ABCC4: variants seen among roughly 807,000 people sequenced by gnomAD.
The protein encoded by ABCC4 is ATP-binding cassette sub-family C member 4.
Under a neutral mutation model 168.5 loss-of-function variants are expected in ABCC4, and 102 were observed. The observed-to-expected ratio is 0.61, with a 90% confidence interval of 0.52 to 0.71. ABCC4 has a LOEUF of 0.71. ABCC4 is among the 30% of genes least tolerant of loss of function. The pLI, the probability that ABCC4 is intolerant of heterozygous loss-of-function variation, is 0.00. For synonymous variants in ABCC4, 617 were observed against 590.7 expected, an observed-to-expected ratio of 1.04 and a Z score of -0.65; for missense variants, 1,402 against 1,605.8, an observed-to-expected ratio of 0.87 and a Z score of 2.17.
intron 29 of ABCC4, among the ~76,000 whole-genome samples, chr13:95,038,374 CAA>C (rs74617293): frequency 1.0e-5 from 1 of 97,646 alleles, no homozygotes. Context: ...AGCCCATACT[CAA>C]AAAAAAAAAA....
chr13:95,037,671 A>G (rs778101409), intron 29 of ABCC4, among the ~76,000 whole-genome samples: 1 of 152,206 alleles, frequency 6.6e-6, no homozygotes, highest in Non-Finnish European at 1.5e-5. Context: ...AATATGGGCA[A>G]TGAGAACTGT....
intron 15 of ABCC4, 65 bp from the exon 16 acceptor site, chr13:95,164,583 G>A: frequency 6.4e-7 from 1 of 1,554,386 alleles, no homozygotes; most frequent in Non-Finnish European, 8.8e-7. Context: ...AGATGACAAT[G>A]CACTCTGTTG....
intron 11 of ABCC4, among the ~76,000 whole-genome samples, chr13:95,185,711 T>C (rs1352074143): frequency 6.6e-6 from 1 of 150,948 alleles, no homozygotes; most frequent in Admixed American, 6.6e-5. Context: ...ATAGTATTTA[T>C]CAGTATTTAC....
intron 1 of ABCC4, among the ~76,000 whole-genome samples, chr13:95,294,737 G>A (rs1434713896): frequency 1.3e-5 from 2 of 152,122 alleles, no homozygotes; most frequent in Admixed American, 6.6e-5. Flanking sequence ...TGGATCACCC[G>A]AGGTCAGGAG....
In ABCC4 at chr13:95,260,650, T is replaced by G. The variant is rs11842245; in HGVS notation, c.75-12897A>C. Among the ~76,000 whole-genome samples, 463 of 152,268 alleles carry G rather than the reference T, an allele frequency of 3.0e-3. 2 individuals carry two copies. Among genetic ancestry groups the G allele is most frequent in the African/African-American group, 0.011 (448 of 41,550 alleles). On this transcript the variant is annotated intron_variant, in intron 1 of 30. Transcript: ENST00000645237. ...AAAAATGGAGCCACACAGCCAAGAC[T>G]TATTGCTTGGAGACAGCAGAGAAAA...
chr13:95,101,328 G>A (rs2034797986), intron 20 of ABCC4, among the ~76,000 whole-genome samples: 1 of 151,910 alleles, frequency 6.6e-6, no homozygotes, highest in African/African-American at 2.4e-5. Context: ...TGAAAAGTCA[G>A]TTATTTAAGC....
chr13:95,259,501 G>A (rs914633662), intron 1 of ABCC4, among the ~76,000 whole-genome samples: 1 of 152,110 alleles, frequency 6.6e-6, no homozygotes, highest in African/African-American at 2.4e-5. Context: ...CCCGTGCACT[G>A]TAGGATGGTT....
In ABCC4 at chr13:95,207,210, T is replaced by C. The variant is rs193033727; in HGVS notation, c.912-429A>G. Among the ~76,000 whole-genome samples the C allele has an allele frequency of 2.8e-3, 429 of 152,266 alleles. 4 individuals carry two copies. Among genetic ancestry groups the C allele is most frequent in the African/African-American group, 9.9e-3 (411 of 41,544 alleles). On this transcript the variant is annotated intron_variant, in intron 7 of 30. Transcript: ENST00000645237. ...GCCCAGCAAATGTTTGTATTTTTAG[T>C]AGAGACAGGGTTTCACCATGTTGGC... is the stretch of plus-strand genomic sequence containing the variant.
chr13:95,140,834 T>C (rs72643604), intron 19 of ABCC4, among the ~76,000 whole-genome samples: 6,768 of 152,288 alleles, frequency 0.044, 218 homozygotes, highest in Middle Eastern at 0.13. Context: ...ACAGGTTATG[T>C]CTGCTATTGT....
At chr13:95,073,574 T>C (rs1018783363) in intron 23 of ABCC4, 8 of 271,750 alleles carry the variant, frequency 2.9e-5, no homozygotes, top group African/African-American at 1.5e-4. Flanking sequence ...CAAGAAATAA[T>C]GTCATTATTC....
rs2032755981 is a variant in ABCC4, at chr13:95,049,873, T to C, written c.3456+3222A>G. ...TTTAAGTGGTTAAAGAGGAAAAAAC[T>C]GACAGTGCTGTCCTAATCTCAAGCC... is the stretch of plus-strand genomic sequence containing the variant. On this transcript the variant is annotated intron_variant, in intron 27 of 30. Coordinates refer to ENST00000645237, the MANE Select transcript of ABCC4 (RefSeq NM_005845.5). 2.6e-5 allele frequency among the ~76,000 whole-genome samples: 4 copies of C among 152,210 alleles called. No homozygotes were observed. In the South Asian group the frequency reaches 8.3e-4, roughly 32 times the overall value.
intron 1 of ABCC4, among the ~76,000 whole-genome samples, chr13:95,264,290 T>A (rs1390402280): frequency 1.3e-5 from 2 of 152,120 alleles, no homozygotes; most frequent in African/African-American, 4.8e-5. Flanking sequence ...GTGATTCAGT[T>A]ATTGAAAAGC....
At chr13:95,143,158 T>G (rs1200953446) in intron 19 of ABCC4, among the ~76,000 whole-genome samples, 1 of 152,172 alleles carries the variant, frequency 6.6e-6, no homozygotes, top group African/African-American at 2.4e-5. Context: ...ATTACTAATA[T>G]GGTTTCTTCT....
intron 10 of ABCC4, among the ~76,000 whole-genome samples, chr13:95,187,511 G>A (rs961135097): frequency 1.3e-5 from 2 of 152,186 alleles, no homozygotes; most frequent in African/African-American, 4.8e-5. Flanking sequence ...GCTGAGGCAT[G>A]AGAATCACTT....
chr13:95,221,534 G>A (rs2039310845), intron 4 of ABCC4, among the ~76,000 whole-genome samples: 1 of 152,054 alleles, frequency 6.6e-6, no homozygotes, highest in East Asian at 1.9e-4. Flanking sequence ...TGACCGTTAT[G>A]TATATTTTAC....
intron 5 of ABCC4, 51 bp from the exon 6 acceptor site, chr13:95,209,648 G>C (rs771856350): frequency 1.0e-5 from 16 of 1,535,584 alleles, no homozygotes; most frequent in Non-Finnish European, 1.4e-5. Flanking sequence ...AGCAAAACCA[G>C]TAAGAACACA....
intron 19 of ABCC4, among the ~76,000 whole-genome samples, chr13:95,152,664 A>G (rs765879825): frequency 4.6e-5 from 7 of 152,188 alleles, no homozygotes; most frequent in Non-Finnish European, 1.0e-4. Flanking sequence ...TCACAACCTC[A>G]GCGTTGTAAA....
At chr13:95,058,593 G>GAAAAAGAAAAAGAAAAAGAAAAGA in intron 26 of ABCC4, among the ~76,000 whole-genome samples, 1 of 80,412 alleles carries the variant, frequency 1.2e-5, no homozygotes, top group Non-Finnish European at 2.3e-5. Flanking sequence ...AAAAAAAAAA[G>GAAAAAGAAAAAGAAAAAGAAAAGA]AAAAGAAAAA....
intron 13 of ABCC4, among the ~76,000 whole-genome samples, chr13:95,174,365 ACCG>A (rs1285914072): frequency 6.6e-6 from 1 of 152,212 alleles, no homozygotes; most frequent in African/African-American, 2.4e-5. Flanking sequence ...CTTCAACACA[ACCG>A]CCATCTTTCA....
Sources: gnomAD v4.1 joint callset for allele counts (sites outside exome capture counted in the v4.1 genomes callset) on GRCh38, gnomAD v4.1.1 for gene constraint, MANE v1.5 for transcripts, NCBI Gene and HGNC (gene_info 2026-07-23, HGNC 2026-07-21) for gene names.